LRBA: variants seen among roughly 807,000 people sequenced by gnomAD.
The protein encoded by LRBA is LPS responsive beige-like anchor protein, also known as lipopolysaccharide-responsive and beige-like anchor protein.
LRBA carries 176 observed loss-of-function variants against 330.0 expected under a neutral mutation model. The ratio of observed to expected loss-of-function variants is 0.53; its 90% CI spans 0.47 to 0.60. The LOEUF (loss-of-function observed/expected upper bound fraction) is 0.60, where lower values mean the gene tolerates loss of function less well. Ranked by LOEUF, LRBA falls within the 20% of genes least tolerant of loss-of-function variation. The pLI is 0.00. For missense variants in LRBA, 3,259 were observed against 3,444.8 expected, an observed-to-expected ratio of 0.95 and a Z score of 1.35; for synonymous variants, 1,230 against 1,193.0, an observed-to-expected ratio of 1.03 and a Z score of -0.64.
chr4:150,948,236 G>A (rs1320635590), intron 2 of LRBA, among the ~76,000 whole-genome samples: 1 of 152,026 alleles, frequency 6.6e-6, no homozygotes. Context: ...AACTTATTAT[G>A]TAGCTACAGC....
chr4:150,742,394 T>C (rs1442290987), intron 35 of LRBA, among the ~76,000 whole-genome samples: 3 of 152,020 alleles, frequency 2.0e-5, no homozygotes, highest in Admixed American at 2.0e-4. Context: ...GTGATCCTCC[T>C]GCCTTAGCTT....
At chr4:150,473,088 T>C (rs1756335982) in intron 42 of LRBA, among the ~76,000 whole-genome samples, 1 of 152,180 alleles carries the variant, frequency 6.6e-6, no homozygotes, top group African/African-American at 2.4e-5. Flanking sequence ...TACCACTATA[T>C]GTTCCAATCA....
intron 40 of LRBA, among the ~76,000 whole-genome samples, chr4:150,577,595 C>G (rs989978683): frequency 6.6e-6 from 1 of 151,912 alleles, no homozygotes; most frequent in Non-Finnish European, 1.5e-5. Flanking sequence ...GCTTTCTTTT[C>G]TTAAGTCAAT....
In LRBA at chr4:150,382,449, C is replaced by A. The variant is rs529564279; in HGVS notation, c.7195-32290G>T. ...GACCAGCCTAGCCAACACGGTGAAA[C>A]CCCATCCTACTAAAAATACAAAAAT... On this transcript the variant is annotated intron_variant, in intron 47 of 56. Coordinates refer to ENST00000651943, the MANE Select transcript of LRBA (RefSeq NM_001364905.1). Among the ~76,000 whole-genome samples the A allele has an allele frequency of 3.3e-5, 5 of 152,110 alleles. No individual in the cohort carries two copies. In the East Asian group the frequency reaches 7.7e-4, roughly 24 times the overall value.
At chr4:150,763,112 C>G (rs139584481) in intron 34 of LRBA, among the ~76,000 whole-genome samples, 1 of 151,864 alleles carries the variant, frequency 6.6e-6, no homozygotes, top group African/African-American at 2.4e-5. Flanking sequence ...GCTAACAGAA[C>G]AAATACAGTA....
chr4:150,763,779 CAAATTT>C (rs1171688313), intron 34 of LRBA, among the ~76,000 whole-genome samples: 2 of 151,578 alleles, frequency 1.3e-5, no homozygotes, highest in East Asian at 3.9e-4. Flanking sequence ...AGAACAGGAA[CAAATTT>C]AAAGACAGAT....
At chr4:150,332,432 T>C (rs188560173) in intron 48 of LRBA, among the ~76,000 whole-genome samples, 15 of 152,318 alleles carry the variant, frequency 9.8e-5, no homozygotes, top group Non-Finnish European at 2.9e-5. Flanking sequence ...TTCTAATTAC[T>C]GGTTTAATTT....
At chr4:150,728,121 C>G (rs140770605) in intron 36 of LRBA, among the ~76,000 whole-genome samples, 1 of 151,986 alleles carries the variant, frequency 6.6e-6, no homozygotes, top group Non-Finnish European at 1.5e-5. Context: ...AGAAATGGAT[C>G]AATTCCTAGA....
rs1560937505 is a variant in LRBA at position 150,268,148 on chromosome 4, C to T, written c.8469-2336G>A. Among the ~76,000 whole-genome samples, 4 of 151,440 alleles carry T rather than the reference C, an allele frequency of 2.6e-5. No individual in the cohort carries two copies. In the South Asian group the frequency reaches 8.3e-4, roughly 32 times the overall value. On this transcript the variant is annotated intron_variant, in intron 56 of 56. Transcript: ENST00000651943. ...TTGGCAGAAACTGAGTTCAGAGAGA[C>T]TATTAGAAACAACTGTATACCAACA... is the stretch of plus-strand genomic sequence containing the variant.
chr4:150,974,859 T>C (rs969285760), intron 2 of LRBA, among the ~76,000 whole-genome samples: 2 of 152,036 alleles, frequency 1.3e-5, no homozygotes, highest in Non-Finnish European at 1.5e-5. Flanking sequence ...GAGTGGCATA[T>C]ACACAGGACA....
chr4:150,360,321 A>AG (rs1320446445), intron 47 of LRBA, among the ~76,000 whole-genome samples: 2 of 152,164 alleles, frequency 1.3e-5, no homozygotes, highest in African/African-American at 4.8e-5. Flanking sequence ...AAAAGTAAAA[A>AG]AAAAAAAAAA....
intron 2 of LRBA, among the ~76,000 whole-genome samples, chr4:150,947,815 A>G (rs1302239132): frequency 1.3e-5 from 2 of 152,140 alleles, no homozygotes; most frequent in South Asian, 2.1e-4. Flanking sequence ...GTAACGGGTT[A>G]CCAGATAAAC....
At position 150,787,926 on chromosome 4, in the gene LRBA, T is replaced by C. The variant is rs571705043; in HGVS notation, c.5580+10155A>G. ...CGGAAGCGCAAATATCTCTTTGATA[T>C]GCTGATTTCCTTTCTTTTGGATATA... On this transcript the variant is annotated intron_variant, in intron 34 of 56. Transcript: ENST00000651943. 2.0e-3 allele frequency among the ~76,000 whole-genome samples: 305 copies of C among 152,346 alleles called. 2 individuals are homozygous for C. The highest frequency in any genetic ancestry group is 7.1e-3 in the African/African-American group (297 of 41,584).
chr4:150,592,694 G>A (rs1286994669), intron 38 of LRBA, among the ~76,000 whole-genome samples: 1 of 152,118 alleles, frequency 6.6e-6, no homozygotes, highest in Non-Finnish European at 1.5e-5. Context: ...GAGTGCAAAG[G>A]CACAATAACA....
chr4:150,838,805 T>C (rs1047485128), intron 28 of LRBA, among the ~76,000 whole-genome samples: 3 of 152,164 alleles, frequency 2.0e-5, no homozygotes, highest in Non-Finnish European at 4.4e-5. Flanking sequence ...TCAAAGTCAT[T>C]CTCTGTACAG....
intron 5 of LRBA, among the ~76,000 whole-genome samples, chr4:150,920,724 G>A (rs1231729071): frequency 1.3e-5 from 2 of 151,774 alleles, no homozygotes; most frequent in Non-Finnish European, 1.5e-5. Context: ...ACTGATTAAC[G>A]GCTTACAGGA....
intron 35 of LRBA, among the ~76,000 whole-genome samples, chr4:150,744,886 T>TG (rs1582218436): frequency 6.6e-6 from 1 of 152,324 alleles, no homozygotes; most frequent in East Asian, 1.9e-4. Flanking sequence ...GTACTTTACA[T>TG]GCCAACGGTG....
At chr4:150,743,348 T>C (rs1732268513) in intron 35 of LRBA, among the ~76,000 whole-genome samples, 1 of 152,170 alleles carries the variant, frequency 6.6e-6, no homozygotes. Flanking sequence ...CATGAATCAA[T>C]TAATTTCACT....
chr4:150,838,662 C>G (rs1443673363), intron 28 of LRBA, among the ~76,000 whole-genome samples: 2 of 152,176 alleles, frequency 1.3e-5, no homozygotes, highest in East Asian at 3.9e-4. Context: ...AAGGACTTCT[C>G]TACACTGGTT....
Sources: gnomAD v4.1 joint callset for allele counts (sites outside exome capture counted in the v4.1 genomes callset) on GRCh38, gnomAD v4.1.1 for gene constraint, MANE v1.5 for transcripts, NCBI Gene and HGNC (gene_info 2026-07-23, HGNC 2026-07-21) for gene names.